Variants in PODXL observed in about 807,000 individuals in gnomAD.
PODXL encodes podocalyxin.
In PODXL, 20 loss-of-function variants were observed where a neutral mutation model predicts 48.9. That is an observed-to-expected ratio of 0.41 (90% CI 0.29 to 0.59). The LOEUF (loss-of-function observed/expected upper bound fraction) is 0.59. Among genes scored for constraint, PODXL ranks in the 20% least tolerant of loss-of-function variants. The probability of loss-of-function intolerance (pLI) is 0.31; values close to 1 mark genes in which losing one functional copy is unlikely to be tolerated. For synonymous variants in PODXL, 295 were observed against 287.4 expected (o/e 1.03, Z -0.27); for missense variants, 606 against 675.1 (o/e 0.90, Z 1.13).
intron 1 of PODXL, among the ~76,000 whole-genome samples, chr7:131,516,214 G>A (rs1334133010): frequency 6.6e-6 from 1 of 152,182 alleles, no homozygotes; most frequent in Admixed American, 6.5e-5. Flanking sequence ...AAGCTGAGTT[G>A]TCAGAAATTC....
At chr7:131,521,337 AT>A (rs71174956) in intron 1 of PODXL, among the ~76,000 whole-genome samples, 9 of 146,554 alleles carry the variant, frequency 6.1e-5, no homozygotes, top group East Asian at 4.1e-4. Context: ...ATTAAGGTCA[AT>A]TTTTTTTTTT....
At chr7:131,544,157 C>A (rs1455724219) in intron 1 of PODXL, among the ~76,000 whole-genome samples, 1 of 152,192 alleles carries the variant, frequency 6.6e-6, no homozygotes. Flanking sequence ...GCTCAACACC[C>A]AACTCAGATG....
chr7:131,504,414 T>C lies in PODXL; in HGVS notation c.1574A>G (p.Lys525Arg), dbSNP rs926652599. The change falls in exon 9 of 9, where the codon AAG becomes AGG. Residue 525 changes from lysine to arginine, a missense_variant. By Grantham distance (26) the Lys-to-Arg change is conservative (BLOSUM62 2). Coordinates refer to ENST00000378555, the MANE Select transcript of PODXL (RefSeq NM_001018111.3). Reference sequence around the variant, plus strand: ...CTCCCCGTTGAGGCTGACCACCTTCTTCTCCTGCATCTCAGAAGAGGTCTC... The same window carrying C: ...CTCCCCGTTGAGGCTGACCACCTTCCTCTCCTGCATCTCAGAAGAGGTCTC... ...VMETSSEMQE[K>R]KVVSLNGELG... 1.2e-6 allele frequency: 2 copies of C among 1,614,120 alleles called. No homozygotes were observed. Among genetic ancestry groups the C allele is most frequent in the Non-Finnish European group, 1.7e-6 (2 of 1,179,940 alleles).
At chr7:131,532,944 G>A (rs1176823432) in intron 1 of PODXL, among the ~76,000 whole-genome samples, 2 of 152,090 alleles carry the variant, frequency 1.3e-5, no homozygotes, top group Non-Finnish European at 2.9e-5. Flanking sequence ...CCTGATCTGC[G>A]ACTTTCAGCC....
chr7:131,504,589 A>C, intron 8 of PODXL, 81 bp from the exon 9 acceptor site: 2 of 1,153,234 alleles, frequency 1.7e-6, no homozygotes, highest in Non-Finnish European at 2.6e-6. Context: ...TACCCCTCCC[A>C]CTCAGGAGCC....
rs1269892385 is a variant in PODXL, at chr7:131,506,324, G to A, written c.1250-3C>T. The stretch of plus-strand genomic sequence containing the variant: ...CACATCCTTGGCAGGGAGCTTAGCT[G>A]TGGGAGAGGGAGACGATGCCCAATG... On this transcript the variant is annotated splice_polypyrimidine_tract_variant and splice_region_variant and intron_variant, in intron 6 of 8. Coordinates refer to ENST00000378555, the MANE Select transcript of PODXL (RefSeq NM_001018111.3). The A allele has an allele frequency of 1.2e-6, 2 of 1,614,204 alleles. No individual in the cohort carries two copies. Among genetic ancestry groups the A allele is most frequent in the South Asian group, 2.2e-5 (2 of 91,088 alleles).
At chr7:131,522,202 G>T (rs780949840) in intron 1 of PODXL, among the ~76,000 whole-genome samples, 3 of 152,192 alleles carry the variant, frequency 2.0e-5, no homozygotes, top group Non-Finnish European at 2.9e-5. Flanking sequence ...TGTAATCCCA[G>T]CACTTTGGGA....
At chr7:131,520,803 A>G (rs1001507492) in intron 1 of PODXL, among the ~76,000 whole-genome samples, 2 of 152,268 alleles carry the variant, frequency 1.3e-5, no homozygotes, top group Admixed American at 6.5e-5. Context: ...CAAAAGAAAC[A>G]ATAGGACTTC....
rs375538079 is a variant in PODXL, at chr7:131,525,498, T to A, written c.101-14065A>T. Among the ~76,000 whole-genome samples, 4 of 143,434 alleles carry A rather than the reference T, an allele frequency of 2.8e-5. No individual in the cohort carries two copies. In the East Asian group the frequency reaches 8.2e-4, roughly 29 times the overall value. 94.1% of individuals were successfully genotyped at this position (143,434 alleles called of 152,430 possible). A position where few individuals can be genotyped will look rare whatever the true frequency, so the allele number is the denominator to read the frequency against. On this transcript the variant is annotated intron_variant, in intron 1 of 8. Coordinates refer to ENST00000378555, the MANE Select transcript of PODXL (RefSeq NM_001018111.3). Reference sequence around the variant, plus strand: ...GGTGGTGCGTGCCTGTAATCCCAGCTACTCGGGAGGCAGGACCGCTTGAAC... The same window carrying A: ...GGTGGTGCGTGCCTGTAATCCCAGCAACTCGGGAGGCAGGACCGCTTGAAC...
chr7:131,535,465 G>A (rs989852028), intron 1 of PODXL, among the ~76,000 whole-genome samples: 1 of 152,198 alleles, frequency 6.6e-6, no homozygotes, highest in Non-Finnish European at 1.5e-5. Context: ...GGCCCTGTGT[G>A]CAGGAAAGAA....
intron 1 of PODXL, among the ~76,000 whole-genome samples, chr7:131,530,914 TG>T (rs1206229666): frequency 1.3e-5 from 2 of 151,954 alleles, no homozygotes; most frequent in East Asian, 3.9e-4. Context: ...AAAAATTAGC[TG>T]GGCGTGGTGG....
In PODXL at chr7:131,511,415, T is replaced by G. The variant is rs1797913102; in HGVS notation, c.119A>C (p.Asp40Ala). ...PSQNATQTTTDSSNKTAPTPA... is the reference protein window; with the variant it reads ...PSQNATQTTTASSNKTAPTPA... ...AGTCGGTGCTGTTTTGTTAGATGAG[T>G]CCGTAGTAGTCTGGGTTGCTGTTTG... Residue 40 changes from aspartate (D) to alanine (A), a missense_variant, in exon 2 of 9, where the codon GAC (aspartate) becomes GCC (alanine). Coordinates refer to ENST00000378555, the MANE Select transcript of PODXL (RefSeq NM_001018111.3). 1 of 1,600,808 alleles carries G rather than the reference T, an allele frequency of 6.2e-7. No individual in the cohort carries two copies. Among genetic ancestry groups the G allele is most frequent in the Non-Finnish European group, 8.5e-7 (1 of 1,179,856 alleles).
At chr7:131,547,406 G>GT (rs1388073888) in intron 1 of PODXL, among the ~76,000 whole-genome samples, 13 of 132,014 alleles carry the variant, frequency 9.8e-5, no homozygotes, top group Non-Finnish European at 1.5e-5. Context: ...AAATCAACAC[G>GT]TGTGGATGCT....
chr7:131,533,672 C>T (rs1021988965), intron 1 of PODXL, among the ~76,000 whole-genome samples: 1 of 152,196 alleles, frequency 6.6e-6, no homozygotes, highest in African/African-American at 2.4e-5. Context: ...TCTTTCCTGT[C>T]CTCAACACCT....
intron 1 of PODXL, among the ~76,000 whole-genome samples, chr7:131,517,936 A>G (rs754136522): frequency 6.6e-6 from 1 of 151,982 alleles, no homozygotes; most frequent in Non-Finnish European, 1.5e-5. Context: ...ATGTGGTTTC[A>G]CCATGTTGGC....
chr7:131,538,825 G>A (rs1798426310), intron 1 of PODXL, among the ~76,000 whole-genome samples: 1 of 152,162 alleles, frequency 6.6e-6, no homozygotes, highest in Non-Finnish European at 1.5e-5. Flanking sequence ...GTGGTGTCAG[G>A]CTTTGTCTAG....
At chr7:131,530,453 A>G (rs1261247681) in intron 1 of PODXL, among the ~76,000 whole-genome samples, 1 of 151,982 alleles carries the variant, frequency 6.6e-6, no homozygotes, top group Non-Finnish European at 1.5e-5. Context: ...GGTGTTATTA[A>G]TCAGGTCAGG....
rs1797722641 is a variant in PODXL at position 131,502,453 on chromosome 7, G to A, written c.*1858C>T. On this transcript the variant is annotated 3_prime_UTR_variant, in exon 9 of 9. Coordinates refer to ENST00000378555, the MANE Select transcript of PODXL (RefSeq NM_001018111.3). ...TCCCCTAGGATATCAGATGGCTACAGACTGTGAGGAAGGAATTAGGCAGAT... is the reference window on the plus strand; with the variant it reads ...TCCCCTAGGATATCAGATGGCTACAAACTGTGAGGAAGGAATTAGGCAGAT... The A allele has an allele frequency of 6.6e-6, 1 of 152,238 alleles. No homozygotes were observed. Among genetic ancestry groups the A allele is most frequent in the Non-Finnish European group, 1.5e-5 (1 of 68,108 alleles). The allele number at this position is 152,238 out of a possible 1,614,324, so 9.4% of individuals were successfully genotyped here. A position where few individuals can be genotyped will look rare whatever the true frequency, so the allele number is the denominator to read the frequency against.
At chr7:131,528,702 T>C (rs1267791273) in intron 1 of PODXL, among the ~76,000 whole-genome samples, 3 of 152,216 alleles carry the variant, frequency 2.0e-5, no homozygotes, top group South Asian at 4.1e-4. Flanking sequence ...ACTGTAGCGA[T>C]GTTCAGCTGC....
Sources: allele counts gnomAD v4.1 joint callset (sites outside exome capture counted in the v4.1 genomes callset), GRCh38; gene constraint gnomAD v4.1.1; transcripts MANE v1.5; gene names NCBI Gene and HGNC (gene_info 2026-07-23, HGNC 2026-07-21).